SLC13A1: variants seen among roughly 807,000 people sequenced by gnomAD.
SLC13A1 encodes the protein solute carrier family 13 member 1.
SLC13A1 carries 65 observed loss-of-function variants against 70.0 expected under a neutral mutation model. That is an observed-to-expected ratio of 0.93 (90% CI 0.76 to 1.14). The LOEUF is 1.14. Ranked by LOEUF, SLC13A1 falls within the 50% of genes most tolerant of loss-of-function variation. The pLI is 0.00. For synonymous variants in SLC13A1, 275 were observed against 250.5 expected, an observed-to-expected ratio of 1.10 and a Z score of -0.92; for missense variants, 726 against 717.8, an observed-to-expected ratio of 1.01 and a Z score of -0.13.
intron 13 of SLC13A1, 42 bp from the exon 14 acceptor site, chr7:123,117,650 G>A: frequency 3.5e-6 from 5 of 1,424,992 alleles, no homozygotes; most frequent in Non-Finnish European, 4.7e-6. Flanking sequence ...AAATTTTGAG[G>A]GTAGACACGA....
chr7:123,147,719 G>A (rs1467799182), intron 6 of SLC13A1, among the ~76,000 whole-genome samples: 2 of 152,252 alleles, frequency 1.3e-5, no homozygotes, highest in Admixed American at 6.5e-5. Flanking sequence ...TTGTTATGGT[G>A]ATATGAGCTG....
chr7:123,125,020 G>A (rs1793512506), intron 11 of SLC13A1, among the ~76,000 whole-genome samples: 1 of 152,040 alleles, frequency 6.6e-6, no homozygotes, highest in South Asian at 2.1e-4. Context: ...GGCCTCAAGT[G>A]ATCCTCCTGC....
At chr7:123,130,943 C>T (rs1022039937) in intron 8 of SLC13A1, among the ~76,000 whole-genome samples, 7 of 151,902 alleles carry the variant, frequency 4.6e-5, no homozygotes, top group African/African-American at 1.7e-4. Context: ...AAATACTGTT[C>T]TAGATGGAGA....
chr7:123,162,073 A>ACAC (rs1794932329), intron 6 of SLC13A1, among the ~76,000 whole-genome samples: 1 of 151,692 alleles, frequency 6.6e-6, no homozygotes, highest in East Asian at 1.9e-4. Flanking sequence ...GCATAGGAGA[A>ACAC]CACTGTTGAG....
chr7:123,178,087 A>C (rs924170029), intron 2 of SLC13A1, among the ~76,000 whole-genome samples: 2 of 151,474 alleles, frequency 1.3e-5, no homozygotes, highest in Non-Finnish European at 2.9e-5. Context: ...ATATATGTGA[A>C]ATTTATATTT....
chr7:123,116,524 C>T (rs571589319), intron 14 of SLC13A1, among the ~76,000 whole-genome samples: 4 of 152,270 alleles, frequency 2.6e-5, no homozygotes, highest in African/African-American at 9.6e-5. Flanking sequence ...AAGAGGAATA[C>T]CTAGCAAGGG....
chr7:123,160,742 G>A (rs1328036881), intron 6 of SLC13A1, among the ~76,000 whole-genome samples: 1 of 152,098 alleles, frequency 6.6e-6, no homozygotes, highest in East Asian at 1.9e-4. Flanking sequence ...ATAGACCACA[G>A]TTTCTGACCG....
intron 8 of SLC13A1, among the ~76,000 whole-genome samples, chr7:123,131,432 A>T (rs913794725): frequency 6.6e-6 from 1 of 152,232 alleles, no homozygotes; most frequent in Non-Finnish European, 1.5e-5. Context: ...TAAATAGTTA[A>T]GTCGAAAGCC....
chr7:123,118,356 C>T (rs536005832), intron 13 of SLC13A1, among the ~76,000 whole-genome samples: 5 of 152,232 alleles, frequency 3.3e-5, no homozygotes, highest in African/African-American at 1.2e-4. Flanking sequence ...TACATTTTTT[C>T]TACTTTCAAT....
chr7:123,120,146 T>C (rs1793326840), intron 12 of SLC13A1, among the ~76,000 whole-genome samples: 1 of 152,064 alleles, frequency 6.6e-6, no homozygotes, highest in Non-Finnish European at 1.5e-5. Flanking sequence ...TATTCAACTG[T>C]TGTTGTTCTG....
intron 1 of SLC13A1, among the ~76,000 whole-genome samples, chr7:123,197,295 C>G (rs1252324409): frequency 6.6e-6 from 1 of 151,946 alleles, no homozygotes; most frequent in Non-Finnish European, 1.5e-5. Flanking sequence ...AGATTATAGC[C>G]CCACATGGAA....
At chr7:123,123,415 T>TA (rs1793454026) in intron 11 of SLC13A1, among the ~76,000 whole-genome samples, 180 bp from the exon 12 acceptor site, 1 of 152,088 alleles carries the variant, frequency 6.6e-6, no homozygotes. Flanking sequence ...CATTCTACTA[T>TA]AAAAAAGAGA....
At chr7:123,192,909 T>C (rs1226927839) in intron 1 of SLC13A1, among the ~76,000 whole-genome samples, 1 of 152,138 alleles carries the variant, frequency 6.6e-6, no homozygotes, top group Non-Finnish European at 1.5e-5. Context: ...ATGTTTTTTC[T>C]TTTCTTTTTT....
intron 12 of SLC13A1, among the ~76,000 whole-genome samples, chr7:123,122,187 G>C (rs1230414040): frequency 6.6e-6 from 1 of 152,080 alleles, no homozygotes; most frequent in Non-Finnish European, 1.5e-5. Context: ...AATAAAGTTA[G>C]AAGCAAAGGA....
chr7:123,140,110 T>C (rs1474778147), intron 7 of SLC13A1, among the ~76,000 whole-genome samples: 1 of 152,068 alleles, frequency 6.6e-6, no homozygotes. Flanking sequence ...TTTTCCTTCT[T>C]TACAAATTTT....
At chr7:123,141,814 T>C (rs1245957952) in intron 7 of SLC13A1, among the ~76,000 whole-genome samples, 1 of 152,136 alleles carries the variant, frequency 6.6e-6, no homozygotes, top group Non-Finnish European at 1.5e-5. Flanking sequence ...AGTCAACTTA[T>C]GTCTTTGTTG....
At chr7:123,162,369 G>T (rs565635315) in intron 6 of SLC13A1, among the ~76,000 whole-genome samples, 1 of 152,096 alleles carries the variant, frequency 6.6e-6, no homozygotes, top group African/African-American at 2.4e-5. Flanking sequence ...CTCTAATAAA[G>T]GTTGAAATCT....
At position 123,199,870 on chromosome 7, in the gene SLC13A1, A is replaced by C. The variant is rs1472620340; in HGVS notation, c.77T>G (p.Leu26Arg). ...CACCTTGGTGTGGAGGACGATGGGC[A>C]GAGGTAGTAAAACCAACACAGTGAA... The part of the protein sequence containing the change: ...VVFTVLVLLP[L>R]PIVLHTKEAE... Residue 26 changes from leucine (L) to arginine (R), a missense_variant, in exon 1 of 15, where the codon CTG becomes CGG. By Grantham distance (102) the Leu-to-Arg change is moderately radical. Transcript: ENST00000194130. 1.9e-6 allele frequency: 3 copies of C among 1,612,682 alleles called. No homozygotes were observed. The East Asian group carries it at 6.7e-5, about 36-fold the overall frequency.
chr7:123,128,782 C>A lies in SLC13A1; in HGVS notation c.1133+63G>T. ...TCCAATCTTTCAGAATTACAGGAAC[C>A]ACACAGGAGAGAAGCAGAGTATAAA... On this transcript the variant is annotated intron_variant, in intron 10 of 14. Coordinates refer to ENST00000194130, the MANE Select transcript of SLC13A1 (RefSeq NM_022444.4). 5.0e-6 allele frequency: 5 copies of A among 997,506 alleles called. No homozygotes were observed. The Admixed American group carries it at 6.3e-5, about 13-fold the overall frequency. The allele number at this position is 997,506 out of a possible 1,614,324, so 61.8% of individuals were successfully genotyped here. A position where few individuals can be genotyped will look rare whatever the true frequency, so the allele number is the denominator to read the frequency against.
Sources: gnomAD v4.1 joint callset for allele counts (sites outside exome capture counted in the v4.1 genomes callset) on GRCh38, gnomAD v4.1.1 for gene constraint, MANE v1.5 for transcripts, NCBI Gene and HGNC (gene_info 2026-07-23, HGNC 2026-07-21) for gene names.